KLHL14: variants seen among roughly 807,000 people sequenced by gnomAD.
KLHL14 encodes the protein kelch-like protein 14.
Under a neutral mutation model 64.3 loss-of-function variants are expected in KLHL14, and 22 were observed. The ratio of observed to expected loss-of-function variants is 0.34; its 90% CI spans 0.24 to 0.49. The LOEUF (loss-of-function observed/expected upper bound fraction) is 0.49. Among genes scored for constraint, KLHL14 ranks in the 20% least tolerant of loss-of-function variants. KLHL14 has a pLI of 0.99. For synonymous variants in KLHL14, 322 were observed against 333.4 expected, an observed-to-expected ratio of 0.97 and a Z score of 0.37; for missense variants, 661 against 789.0, an observed-to-expected ratio of 0.84 and a Z score of 1.94.
At chr18:32,749,774 A>G (rs556384436) in intron 2 of KLHL14, among the ~76,000 whole-genome samples, 10 of 152,298 alleles carry the variant, frequency 6.6e-5, no homozygotes, top group African/African-American at 2.4e-4. Flanking sequence ...ATCTGGTGGT[A>G]CAGCAGCAAT....
chr18:32,723,083 C>T (rs995693494), intron 3 of KLHL14, among the ~76,000 whole-genome samples: 3 of 152,126 alleles, frequency 2.0e-5, no homozygotes, highest in Admixed American at 2.0e-4. Context: ...GGAATCATGT[C>T]ACTCCCCTTT....
At chr18:32,760,614 G>A (rs2050309501) in intron 2 of KLHL14, among the ~76,000 whole-genome samples, 1 of 152,134 alleles carries the variant, frequency 6.6e-6, no homozygotes, top group East Asian at 1.9e-4. Context: ...GCTGAGCTCT[G>A]AGGAAGTTCA....
intron 7 of KLHL14, among the ~76,000 whole-genome samples, chr18:32,677,573 G>T (rs936463915): frequency 6.6e-6 from 1 of 152,108 alleles, no homozygotes; most frequent in Non-Finnish European, 1.5e-5. Flanking sequence ...ATTAGCAAAG[G>T]TTGATTATAT....
At chr18:32,733,488 T>C (rs1367890731) in intron 3 of KLHL14, among the ~76,000 whole-genome samples, 1 of 151,976 alleles carries the variant, frequency 6.6e-6, no homozygotes, top group Non-Finnish European at 1.5e-5. Flanking sequence ...TCACCGGCCT[T>C]GGAGTAGCTG....
intron 3 of KLHL14, among the ~76,000 whole-genome samples, chr18:32,704,377 A>T (rs1046544689): frequency 1.3e-5 from 2 of 152,120 alleles, no homozygotes; most frequent in African/African-American, 4.8e-5. Flanking sequence ...TGGGAAAGTG[A>T]ACTCTAGTTG....
At chr18:32,718,135 C>T (rs2050055643) in intron 3 of KLHL14, among the ~76,000 whole-genome samples, 1 of 152,186 alleles carries the variant, frequency 6.6e-6, no homozygotes, top group Admixed American at 6.6e-5. Flanking sequence ...CTCTCCTTTT[C>T]CAATTCATCT....
At chr18:32,766,282 G>A (rs993022624) in intron 2 of KLHL14, among the ~76,000 whole-genome samples, 2 of 152,026 alleles carry the variant, frequency 1.3e-5, no homozygotes, top group Admixed American at 1.3e-4. Flanking sequence ...ATTTCAAACT[G>A]TAAATAAAAA....
intron 3 of KLHL14, among the ~76,000 whole-genome samples, chr18:32,712,695 G>A (rs1279679280): frequency 2.0e-5 from 3 of 152,102 alleles, no homozygotes; most frequent in African/African-American, 7.2e-5. Flanking sequence ...CCTCAAAAAA[G>A]TTGTCTTTGC....
At chr18:32,675,711 C>A (rs1452558058) in intron 8 of KLHL14, among the ~76,000 whole-genome samples, 1 of 152,112 alleles carries the variant, frequency 6.6e-6, no homozygotes, top group East Asian at 1.9e-4. Flanking sequence ...TTGTGTTTAT[C>A]ATAGGAAAAA....
At chr18:32,716,720 T>C (rs1255469025) in intron 3 of KLHL14, among the ~76,000 whole-genome samples, 1 of 152,170 alleles carries the variant, frequency 6.6e-6, no homozygotes, top group Non-Finnish European at 1.5e-5. Flanking sequence ...CACCCAGCCC[T>C]AGCTTGCTTC....
At chr18:32,700,995 G>A (rs1363117617) in intron 3 of KLHL14, among the ~76,000 whole-genome samples, 1 of 152,176 alleles carries the variant, frequency 6.6e-6, no homozygotes, top group Admixed American at 6.5e-5. Flanking sequence ...CAGAACACAG[G>A]GATCTGAGAT....
chr18:32,693,724 T>C (rs139606970), intron 4 of KLHL14, among the ~76,000 whole-genome samples: 339 of 152,282 alleles, frequency 2.2e-3, no homozygotes, highest in African/African-American at 7.9e-3. Context: ...TTCTAGTCAT[T>C]TCTCACAGCA....
At chr18:32,703,900 GT>G (rs1024932484) in intron 3 of KLHL14, among the ~76,000 whole-genome samples, 4 of 151,380 alleles carry the variant, frequency 2.6e-5, no homozygotes, top group African/African-American at 9.7e-5. Flanking sequence ...TCAAAGGTTA[GT>G]TTTTTTTTCC....
At chr18:32,710,569 G>A (rs1184326958) in intron 3 of KLHL14, among the ~76,000 whole-genome samples, 10 of 152,194 alleles carry the variant, frequency 6.6e-5, no homozygotes, top group African/African-American at 1.7e-4. Context: ...AAGAATGTAA[G>A]CATCTCTGCC....
At chr18:32,689,335 CA>C (rs2049895690) in intron 4 of KLHL14, among the ~76,000 whole-genome samples, 1 of 152,008 alleles carries the variant, frequency 6.6e-6, no homozygotes, top group Non-Finnish European at 1.5e-5. Flanking sequence ...ATAGAAGAAG[CA>C]AAACCAACAT....
intron 2 of KLHL14, among the ~76,000 whole-genome samples, chr18:32,748,113 G>A (rs1036142867): frequency 2.6e-5 from 4 of 152,238 alleles, no homozygotes; most frequent in Admixed American, 6.5e-5. Flanking sequence ...AGGCAGAGTA[G>A]CCTAGTTGTT....
At chr18:32,718,715 C>T (rs1372954635) in intron 3 of KLHL14, among the ~76,000 whole-genome samples, 1 of 152,104 alleles carries the variant, frequency 6.6e-6, no homozygotes, top group African/African-American at 2.4e-5. Context: ...TTTTAAAATT[C>T]CATAAATCTT....
chr18:32,771,649 A>G (rs2050386022), intron 1 of KLHL14, among the ~76,000 whole-genome samples: 1 of 151,836 alleles, frequency 6.6e-6, no homozygotes, highest in South Asian at 2.1e-4. Flanking sequence ...ACGCGTTTGG[A>G]GAGGGAGCCG....
intron 4 of KLHL14, among the ~76,000 whole-genome samples, chr18:32,693,844 T>TA (rs1208415482): frequency 6.6e-6 from 1 of 152,200 alleles, no homozygotes; most frequent in Non-Finnish European, 1.5e-5. Context: ...AGTTCAAAGA[T>TA]AAAATCTTGA....
Sources: gnomAD v4.1 joint callset for allele counts (sites outside exome capture counted in the v4.1 genomes callset) on GRCh38, gnomAD v4.1.1 for gene constraint, MANE v1.5 for transcripts, NCBI Gene and HGNC (gene_info 2026-07-23, HGNC 2026-07-21) for gene names.